CWC27: variants seen among roughly 807,000 people sequenced by gnomAD.
CWC27 encodes the protein spliceosome-associated protein CWC27 homolog.
A neutral mutation model predicts 63.6 loss-of-function variants in CWC27; 47 were observed. The observed-to-expected ratio is 0.74, with a 90% CI of 0.58 to 0.94. CWC27 has a LOEUF of 0.94. Among genes scored for constraint, CWC27 ranks in the 40% least tolerant of loss-of-function variants. CWC27 has a pLI of 0.00. For synonymous variants in CWC27, 175 were observed against 179.8 expected, an observed-to-expected ratio of 0.97 and a Z score of 0.22; for missense variants, 495 against 554.3, an observed-to-expected ratio of 0.89 and a Z score of 1.07.
At chr5:64,923,706 AG>A (rs781740145) in intron 11 of CWC27, among the ~76,000 whole-genome samples, 4 of 150,652 alleles carry the variant, frequency 2.7e-5, no homozygotes, top group Admixed American at 1.3e-4. Flanking sequence ...AGTTTTGAAA[AG>A]ACTTCCGTGA....
intron 11 of CWC27, among the ~76,000 whole-genome samples, chr5:64,960,300 C>G (rs978780944): frequency 1.3e-5 from 2 of 151,936 alleles, no homozygotes; most frequent in Non-Finnish European, 2.9e-5. Context: ...GTTTATATCC[C>G]CAGGCTTATA....
chr5:64,812,719 T>A (rs951772457), intron 10 of CWC27, among the ~76,000 whole-genome samples: 1 of 152,148 alleles, frequency 6.6e-6, no homozygotes, highest in Admixed American at 6.6e-5. Context: ...TCCCAGCCAC[T>A]GTGTAAGAAC....
chr5:65,010,457 T>C (rs952099099), intron 13 of CWC27, among the ~76,000 whole-genome samples: 4 of 152,246 alleles, frequency 2.6e-5, no homozygotes, highest in African/African-American at 7.2e-5. Flanking sequence ...CATTAAAGTT[T>C]GTAATCCACA....
At chr5:64,904,554 G>A (rs1485957946) in intron 11 of CWC27, among the ~76,000 whole-genome samples, 1 of 152,230 alleles carries the variant, frequency 6.6e-6, no homozygotes, top group Non-Finnish European at 1.5e-5. Flanking sequence ...CCCAGAACAA[G>A]TGATTCCTTT....
At chr5:64,945,625 G>A (rs1748577545) in intron 11 of CWC27, among the ~76,000 whole-genome samples, 2 of 152,120 alleles carry the variant, frequency 1.3e-5, no homozygotes, top group African/African-American at 4.8e-5. Context: ...TAGGATAACA[G>A]GTATTTTGCA....
chr5:64,905,442 A>T (rs941860677), intron 11 of CWC27, among the ~76,000 whole-genome samples: 1 of 152,136 alleles, frequency 6.6e-6, no homozygotes, highest in Non-Finnish European at 1.5e-5. Context: ...TGGCACAGAG[A>T]TGACCCATTA....
At chr5:64,951,870 A>T (rs1748716910) in intron 11 of CWC27, among the ~76,000 whole-genome samples, 1 of 151,970 alleles carries the variant, frequency 6.6e-6, no homozygotes, top group African/African-American at 2.4e-5. Context: ...TCTATATCAC[A>T]TCTTATTAAT....
At chr5:64,805,118 T>G (rs1465731478) in intron 10 of CWC27, among the ~76,000 whole-genome samples, 1 of 151,982 alleles carries the variant, frequency 6.6e-6, no homozygotes. Context: ...AATAACATTC[T>G]TTTTCCCTAT....
chr5:64,824,807 A>G (rs1358936063), intron 10 of CWC27, among the ~76,000 whole-genome samples: 3 of 134,126 alleles, frequency 2.2e-5, no homozygotes, highest in African/African-American at 8.7e-5. Flanking sequence ...ACCTCGGCTC[A>G]CTGCAACCTC....
At chr5:64,900,533 T>C (rs1193947833) in intron 11 of CWC27, among the ~76,000 whole-genome samples, 1 of 152,200 alleles carries the variant, frequency 6.6e-6, no homozygotes, top group Non-Finnish European at 1.5e-5. Context: ...CTTAATGGTG[T>C]CTTTCAAAAA....
intron 2 of CWC27, among the ~76,000 whole-genome samples, chr5:64,780,808 G>A (rs1743657936): frequency 6.6e-6 from 1 of 151,926 alleles, no homozygotes; most frequent in African/African-American, 2.4e-5. Context: ...AAGGGTTCCA[G>A]TTTCATCACA....
chr5:64,885,622 T>TC (rs1747052347), intron 11 of CWC27, 76 bp downstream of exon 11: 2 of 1,044,374 alleles, frequency 1.9e-6, no homozygotes, highest in Admixed American at 4.4e-5. Flanking sequence ...CCCTGCCCGC[T>TC]CCCGTATTCA....
chr5:64,860,712 T>C (rs1208692420), intron 10 of CWC27, among the ~76,000 whole-genome samples: 3 of 152,224 alleles, frequency 2.0e-5, no homozygotes, highest in Non-Finnish European at 4.4e-5. Flanking sequence ...AGTTATACTG[T>C]AAACACTTGT....
intron 7 of CWC27, among the ~76,000 whole-genome samples, chr5:64,792,623 G>A (rs1369536740): frequency 6.6e-6 from 1 of 152,006 alleles, no homozygotes; most frequent in African/African-American, 2.4e-5. Context: ...TACAGAAGAA[G>A]CATATGACTG....
At chr5:64,937,025 G>A (rs1451690887) in intron 11 of CWC27, among the ~76,000 whole-genome samples, 1 of 151,548 alleles carries the variant, frequency 6.6e-6, no homozygotes, top group Non-Finnish European at 1.5e-5. Flanking sequence ...GGTCTATTTT[G>A]TTGATATTTT....
intron 13 of CWC27, among the ~76,000 whole-genome samples, chr5:64,990,267 T>TTTTTTTTTTTTTTTG (rs1749514160): frequency 5.3e-5 from 1 of 18,722 alleles, no homozygotes; most frequent in Non-Finnish European, 1.0e-4. Flanking sequence ...TTTTTTTTTG[T>TTTTTTTTTTTTTTTG]TTTTTTTTTT....
rs777320042 is a variant in CWC27 at position 64,793,363 on chromosome 5, T to C, written c.669+4343T>C. Among the ~76,000 whole-genome samples the C allele has an allele frequency of 5.8e-4, 89 of 152,140 alleles. 3 individuals carry two copies. The highest frequency in any genetic ancestry group is 3.5e-4 in the Non-Finnish European group (24 of 68,018). On this transcript the variant is annotated intron_variant, in intron 7 of 13. Coordinates refer to ENST00000381070, the MANE Select transcript of CWC27 (RefSeq NM_005869.4). ...GTAATGGACAAGTAGGTAAGTTTAG[T>C]TGGAGAAAATAGAGTAACAAGAACA...
intron 12 of CWC27, among the ~76,000 whole-genome samples, 192 bp downstream of exon 12, chr5:64,972,004 T>C (rs1390284594): frequency 6.6e-6 from 1 of 152,178 alleles, no homozygotes; most frequent in Non-Finnish European, 1.5e-5. Flanking sequence ...TTTCCAGACA[T>C]TGGTGGTGAA....
chr5:64,925,389 A>G (rs1255878739), intron 11 of CWC27, among the ~76,000 whole-genome samples: 2 of 152,142 alleles, frequency 1.3e-5, no homozygotes, highest in Non-Finnish European at 2.9e-5. Flanking sequence ...TTTCCCTTTC[A>G]TGGGTTTGAA....
Sources: allele counts gnomAD v4.1 joint callset (sites outside exome capture counted in the v4.1 genomes callset), GRCh38; gene constraint gnomAD v4.1.1; transcripts MANE v1.5; gene names NCBI Gene and HGNC (gene_info 2026-07-23, HGNC 2026-07-21).